The following HNRNPDL variants were observed in gnomAD, a reference collection of about 807,000 sequenced individuals.
The protein encoded by HNRNPDL is heterogeneous nuclear ribonucleoprotein D-like.
HNRNPDL carries 18 observed loss-of-function variants against 48.0 expected under a neutral mutation model. The ratio of observed to expected loss-of-function variants is 0.38; its 90% CI spans 0.26 to 0.56. The LOEUF is 0.56. Among genes scored for constraint, HNRNPDL ranks in the 20% least tolerant of loss-of-function variants. The pLI, the probability that HNRNPDL is intolerant of heterozygous loss-of-function variation, is 0.77. For synonymous variants in HNRNPDL, 306 were observed against 207.3 expected, an observed-to-expected ratio of 1.48 and a Z score of -4.09; for missense variants, 553 against 540.7, an observed-to-expected ratio of 1.02 and a Z score of -0.23.
intron 1 of HNRNPDL, among the ~76,000 whole-genome samples, chr4:82,428,989 C>T (rs927025624): frequency 1.3e-5 from 2 of 152,182 alleles, no homozygotes; most frequent in African/African-American, 4.8e-5. Context: ...CCCCGGGTCC[C>T]ACGCGGCGCC....
chr4:82,423,697 T>A lies in HNRNPDL; in HGVS notation c.*1209A>T, dbSNP rs13952. 0.26 allele frequency: 39,085 copies of A among 152,132 alleles called. 6,288 individuals are homozygous for A. The highest frequency in any genetic ancestry group is 0.62 in the East Asian group (3,218 of 5,178). The allele number at this position is 152,132 out of a possible 1,614,324, so 9.4% of individuals were successfully genotyped here. On this transcript the variant is annotated 3_prime_UTR_variant, in exon 8 of 8. Coordinates refer to ENST00000295470, the MANE Select transcript of HNRNPDL (RefSeq NM_031372.4). ...ACACTGAATGCAAAATCCAAAGCTT[T>A]TTATTATTCCAGGTCCTCTGAAACC...
Position 82,424,611 on chromosome 4 carries a change from C to T in HNRNPDL, c.*295G>A, listed in dbSNP as rs1721339784. 1 of 152,590 alleles carries T rather than the reference C, an allele frequency of 6.6e-6. No individual in the cohort carries two copies. Among genetic ancestry groups the T allele is most frequent in the African/African-American group, 2.4e-5 (1 of 41,432 alleles). 9.5% of individuals were successfully genotyped at this position (152,590 alleles called of 1,614,324 possible). On this transcript the variant is annotated 3_prime_UTR_variant, in exon 8 of 8. Coordinates refer to ENST00000295470, the MANE Select transcript of HNRNPDL (RefSeq NM_031372.4). ...CATTTTTTACAGAGCTATGTAGTACCTGACGCAGAAAAGCAATCACATAAG... is the reference window on the plus strand; with the variant it reads ...CATTTTTTACAGAGCTATGTAGTACTTGACGCAGAAAAGCAATCACATAAG...
At position 82,427,417 on chromosome 4, in the gene HNRNPDL, G is replaced by C; in HGVS notation, c.906+16C>G. ...AATTATTTAAATTTTCATTTAAAGT[G>C]CTTAAATGGCTTTACCTTCCCAGAA... is the stretch of plus-strand genomic sequence containing the variant. On this transcript the variant is annotated intron_variant, in intron 4 of 7. Coordinates refer to ENST00000295470, the MANE Select transcript of HNRNPDL (RefSeq NM_031372.4). 2.5e-6 allele frequency: 4 copies of C among 1,575,928 alleles called. No individual in the cohort carries two copies. Among genetic ancestry groups the C allele is most frequent in the Non-Finnish European group, 3.4e-6 (4 of 1,164,796 alleles).
Position 82,422,638 on chromosome 4 carries a change from AAAG to A in HNRNPDL, c.*2265_*2267del, listed in dbSNP as rs1309547174. 1 of 152,260 alleles carries A rather than the reference AAAG, an allele frequency of 6.6e-6. No individual in the cohort carries two copies. Among genetic ancestry groups the A allele is most frequent in the African/African-American group, 2.4e-5 (1 of 41,476 alleles). 9.4% of individuals were successfully genotyped at this position (152,260 alleles called of 1,614,324 possible). A position where few individuals can be genotyped will look rare whatever the true frequency, so the allele number is the denominator to read the frequency against. On this transcript the variant is annotated 3_prime_UTR_variant, in exon 8 of 8. Coordinates refer to ENST00000295470, the MANE Select transcript of HNRNPDL (RefSeq NM_031372.4). ...GAGATTACAGATTAACATGTTAACCAAAGAAATTACTAAGGTGTTTTGTTAGGA... is the reference window on the plus strand; with the variant it reads ...GAGATTACAGATTAACATGTTAACCAAAATTACTAAGGTGTTTTGTTAGGA...
At position 82,423,310 on chromosome 4, in the gene HNRNPDL, C is replaced by CT. The variant is rs767932349; in HGVS notation, c.*1595dup. 1 of 152,156 alleles carries CT rather than the reference C, an allele frequency of 6.6e-6. No individual in the cohort carries two copies. Among genetic ancestry groups the CT allele is most frequent in the Non-Finnish European group, 1.5e-5 (1 of 68,034 alleles). The allele number at this position is 152,156 out of a possible 1,614,324, so 9.4% of individuals were successfully genotyped here. The stretch of plus-strand genomic sequence containing the variant: ...ATTTGAACTTACAGGATTCACTACC[C>CT]TAGACACCGCACCTACTGACAACAC... On this transcript the variant is annotated 3_prime_UTR_variant, in exon 8 of 8. Transcript: ENST00000295470.
At position 82,426,524 on chromosome 4, in the gene HNRNPDL, A is replaced by G; in HGVS notation, c.1131T>C (p.Tyr377=). 6.2e-7 allele frequency: 1 copy of G among 1,613,054 alleles called. No individual in the cohort carries two copies. Among genetic ancestry groups the G allele is most frequent in the Non-Finnish European group, 8.5e-7 (1 of 1,179,130 alleles). ...TCCCATAGTTATACCCAGTATAATC[A>G]TATCCGCCATAGCCACTATAGTTTT... ...GDQNYSGYGG[Y]DYTGYNYGNY... Residue 377 remains tyrosine, a synonymous_variant, in exon 6 of 8, where the codon TAT becomes TAC. Coordinates refer to ENST00000295470, the MANE Select transcript of HNRNPDL (RefSeq NM_031372.4).
chr4:82,429,280 C>T lies in HNRNPDL; in HGVS notation c.411G>A (p.Lys137=), dbSNP rs564773981. The T allele has an allele frequency of 1.9e-6, 3 of 1,613,784 alleles. No homozygotes were observed. In the South Asian group the frequency reaches 3.3e-5, roughly 18 times the overall value. The part of the protein sequence containing the change: ...SNIEEFAEGS[K]INASKNQQDD... ...CCTGCTGATTCTTGCTCGCGTTGAT[C>T]TTGGATCCCTCTGCGAATTCCTCTA... Residue 137 remains lysine, a synonymous_variant, in exon 1 of 8, where the codon AAG becomes AAA. Transcript: ENST00000295470.
Position 82,429,557 on chromosome 4 carries a change from A to C in HNRNPDL, c.134T>G (p.Leu45Arg). The C allele has an allele frequency of 6.9e-7, 1 of 1,440,290 alleles. No homozygotes were observed. The highest frequency in any genetic ancestry group is 9.1e-7 in the Non-Finnish European group (1 of 1,101,424). 89.2% of individuals were successfully genotyped at this position (1,440,290 alleles called of 1,614,324 possible). A position where few individuals can be genotyped will look rare whatever the true frequency, so the allele number is the denominator to read the frequency against. Residue 45 changes from leucine (L) to arginine (R), a missense_variant, in exon 1 of 8, where the codon CTC becomes CGC. Leu to Arg is a moderately radical substitution (Grantham distance 102). Coordinates refer to ENST00000295470, the MANE Select transcript of HNRNPDL (RefSeq NM_031372.4). Reference sequence around the variant, plus strand: ...CCCCTGCCGGGCGGAGCTGGGAGCGAGCGAAGGGAGGAGCGGGGCTAGCTG... The same window carrying C: ...CCCCTGCCGGGCGGAGCTGGGAGCGCGCGAAGGGAGGAGCGGGGCTAGCTG... ...PRQLAPLLPSLAPSSARQGAR... is the reference protein window; with the variant it reads ...PRQLAPLLPSRAPSSARQGAR...
Position 82,427,588 on chromosome 4 carries a change from C to CGTCAT in HNRNPDL, c.775-29_775-25dup, listed in dbSNP as rs763769752. ...ATCTGAAATCGAGATGCACACTCAA[C>CGTCAT]GTCATCCCATAATTGTAAAACGTTA... On this transcript the variant is annotated intron_variant, in intron 3 of 7. Coordinates refer to ENST00000295470, the MANE Select transcript of HNRNPDL (RefSeq NM_031372.4). 1,792 of 1,602,486 alleles carry CGTCAT rather than the reference C, an allele frequency of 1.1e-3. 5 individuals are homozygous for CGTCAT. Among genetic ancestry groups the CGTCAT allele is most frequent in the Non-Finnish European group, 1.3e-3 (1,568 of 1,176,116 alleles).
rs12650145 is a variant in HNRNPDL, at chr4:82,426,838, T to G, written c.1022-205A>C. Among the ~76,000 whole-genome samples, 9,467 of 152,250 alleles carry G rather than the reference T, an allele frequency of 0.062. 321 individuals carry two copies. The highest frequency in any genetic ancestry group is 0.09 in the Admixed American group (1,375 of 15,288). On this transcript the variant is annotated intron_variant, in intron 5 of 7. Coordinates refer to ENST00000295470, the MANE Select transcript of HNRNPDL (RefSeq NM_031372.4). ...GTGCCAGTATCAAACTTCCTAAACT[T>G]AATGGAAAATCATTCAATTTTCCAT... is the stretch of plus-strand genomic sequence containing the variant.
Position 82,426,128 on chromosome 4 carries a change from G to A in HNRNPDL, c.1194C>T (p.Gly398=). 1 of 1,612,294 alleles carries A rather than the reference G, an allele frequency of 6.2e-7. No homozygotes were observed. Among genetic ancestry groups the A allele is most frequent in the South Asian group, 1.1e-5 (1 of 90,888 alleles). Residue 398 remains glycine, a splice_region_variant and synonymous_variant, in exon 7 of 8, where the codon GGC becomes GGT. Transcript: ENST00000295470. Reference sequence around the variant, plus strand: ...ATGCCTTGCCATAAGTGCTCTGTTGGCCTATTTTGAAAACACAGAATTCTC... The same window carrying A: ...ATGCCTTGCCATAAGTGCTCTGTTGACCTATTTTGAAAACACAGAATTCTC... ...GYGQGYADYS[G]QQSTYGKASR...
At position 82,423,835 on chromosome 4, in the gene HNRNPDL, T is replaced by G. The variant is rs1259032091; in HGVS notation, c.*1071A>C. On this transcript the variant is annotated 3_prime_UTR_variant, in exon 8 of 8. Transcript: ENST00000295470. ...ATGACTTTGTCATAACCAAGATACC[T>G]TTTCCACTATTCCTTTCTGAATATG... is the stretch of plus-strand genomic sequence containing the variant. The G allele has an allele frequency of 6.6e-6, 1 of 152,228 alleles. No individual in the cohort carries two copies. Among genetic ancestry groups the G allele is most frequent in the Non-Finnish European group, 1.5e-5 (1 of 68,038 alleles). The allele number at this position is 152,228 out of a possible 1,614,324, so 9.4% of individuals were successfully genotyped here. A position where few individuals can be genotyped will look rare whatever the true frequency, so the allele number is the denominator to read the frequency against.
chr4:82,429,477 C>A lies in HNRNPDL; in HGVS notation c.214G>T (p.Gly72Trp). The A allele has an allele frequency of 1.9e-6, 3 of 1,577,586 alleles. No homozygotes were observed. The highest frequency in any genetic ancestry group is 2.6e-6 in the Non-Finnish European group (3 of 1,161,918). The change falls in exon 1 of 8, where the codon GGG becomes TGG. Residue 72 changes from glycine (G) to tryptophan (W), a missense_variant. Physicochemically the swap from Gly to Trp is radical, Grantham distance 184. Transcript: ENST00000295470. The stretch of plus-strand genomic sequence containing the variant: ...CTGCGCCCTCCCTTTATAGCCGCCC[C>A]GCCCGCCAATCGGGAGGGCTGCTGG... ...TAQQPSRLAG[G>W]AAIKGGRRRR...
Position 82,429,932 on chromosome 4 carries a change from AGCCGCTGCGGCG to A in HNRNPDL, c.-254_-243del, listed in dbSNP as rs1226468574. On this transcript the variant is annotated 5_prime_UTR_variant, in exon 1 of 8. Transcript: ENST00000295470. ...TTCTGCCCTCGGTTCGCCAGTGCGG[AGCCGCTGCGGCG>A]GCCGCTGCTACCGACTAGCACCGCG... The A allele has an allele frequency of 5.8e-5, 20 of 346,528 alleles. No individual in the cohort carries two copies. The highest frequency in any genetic ancestry group is 1.9e-4 in the Admixed American group (4 of 21,024). The allele number at this position is 346,528 out of a possible 1,614,324, so 21.5% of individuals were successfully genotyped here. A position where few individuals can be genotyped will look rare whatever the true frequency, so the allele number is the denominator to read the frequency against.
Position 82,428,271 on chromosome 4 carries a change from T to C in HNRNPDL, c.612+7A>G. The stretch of plus-strand genomic sequence containing the variant: ...AAAAGCAGCACAATGCAAAACATAG[T>C]TCCTACCTTATCAACACTAGCAGCA... On this transcript the variant is annotated splice_region_variant and intron_variant, in intron 2 of 7. Coordinates refer to ENST00000295470, the MANE Select transcript of HNRNPDL (RefSeq NM_031372.4). 1 of 1,611,994 alleles carries C rather than the reference T, an allele frequency of 6.2e-7. No individual in the cohort carries two copies. The highest frequency in any genetic ancestry group is 2.2e-5 in the East Asian group (1 of 44,800).
chr4:82,427,994 A>T, intron 3 of HNRNPDL, 24 bp downstream of exon 3: 1 of 1,604,248 alleles, frequency 6.2e-7, no homozygotes. Context: ...ATCAAGCTTA[A>T]CATGTGTAAA....
Position 82,427,191 on chromosome 4 carries a change from T to C in HNRNPDL, c.1020A>G (p.Arg340=), listed in dbSNP as rs1179540135. Residue 340 remains arginine, a splice_region_variant and synonymous_variant, in exon 5 of 8, where the codon CGA becomes CGG. Coordinates refer to ENST00000295470, the MANE Select transcript of HNRNPDL (RefSeq NM_031372.4). ...CATATTTCAAGAATTAAGTCTCACC[T>C]CGGCCACGACCCCTCGTACCACCTC... ...GGRGGTRGRG[R]GQGQNWNQGF... is the part of the protein sequence containing the mutation. The C allele has an allele frequency of 1.2e-6, 2 of 1,601,968 alleles. No homozygotes were observed. The highest frequency in any genetic ancestry group is 1.3e-5 in the African/African-American group (1 of 74,610).
At chr4:82,425,866 A>C in intron 7 of HNRNPDL, 171 bp downstream of exon 7, 1 of 551,336 alleles carries the variant, frequency 1.8e-6, no homozygotes, top group Non-Finnish European at 3.2e-6. Flanking sequence ...ATAAGACTTT[A>C]AAGTTAAAGA....
At chr4:82,427,901 G>A (rs949771033) in intron 3 of HNRNPDL, 117 bp downstream of exon 3, 40 of 995,472 alleles carry the variant, frequency 4.0e-5, no homozygotes, top group Admixed American at 1.5e-4. Context: ...GAAGCGACTT[G>A]AGCAGTCATT....
Sources: gnomAD v4.1 joint callset for allele counts (sites outside exome capture counted in the v4.1 genomes callset) on GRCh38, gnomAD v4.1.1 for gene constraint, MANE v1.5 for transcripts, NCBI Gene and HGNC (gene_info 2026-07-23, HGNC 2026-07-21) for gene names.